Variants in SHISAL1 observed in about 807,000 individuals in gnomAD.
SHISAL1 encodes shisa like 1, also known as protein shisa-like-1.
In SHISAL1, 9 loss-of-function variants were observed where a neutral mutation model predicts 22.6. The observed-to-expected ratio is 0.40, with a 90% CI of 0.24 to 0.70. The LOEUF (loss-of-function observed/expected upper bound fraction) is 0.70, where lower values mean the gene tolerates loss of function less well. SHISAL1 is among the 30% of genes least tolerant of loss of function. SHISAL1 has a pLI of 0.39. For synonymous variants in SHISAL1, 119 were observed against 115.4 expected, an observed-to-expected ratio of 1.03 and a Z score of -0.20; for missense variants, 246 against 270.6, an observed-to-expected ratio of 0.91 and a Z score of 0.64.
At chr22:44,328,196 C>G in the SHISAL1 span, among the ~76,000 whole-genome samples, 1 of 152,180 alleles carries the variant, frequency 6.6e-6, no homozygotes, top group Non-Finnish European at 1.5e-5. Context: ...CCCCTGCCCC[C>G]TCATGGTTCC....
the SHISAL1 span, among the ~76,000 whole-genome samples, chr22:44,326,483 G>A: frequency 3.3e-5 from 5 of 152,044 alleles, no homozygotes; most frequent in Admixed American, 2.0e-4. Flanking sequence ...CAAAGATCAC[G>A]GTTTGTCTCA....
At chr22:44,284,927 C>CTTCCTTCCT (rs2055302350) in intron 4 of SHISAL1, among the ~76,000 whole-genome samples, 1 of 152,060 alleles carries the variant, frequency 6.6e-6, no homozygotes, top group African/African-American at 2.4e-5. Context: ...TCCTTCCTTC[C>CTTCCTTCCT]TTCCTTCCTT....
chr22:44,285,588 G>A lies in SHISAL1; in HGVS notation c.439C>T (p.Arg147Trp), dbSNP rs777404839. ...IQGRWMKQDPRRWGNPARAPR... is the reference protein window; with the variant it reads ...IQGRWMKQDPWRWGNPARAPR... ...GCCCGAGCGGGGTTCCCCCACCGCC[G>A]GGGGTCCTGTTTCATCCATCGTCCT... is the stretch of plus-strand genomic sequence containing the variant. The change falls in exon 4 of 5, where the codon CGG (arginine) becomes TGG (tryptophan). Residue 147 changes from arginine to tryptophan, a missense_variant. Physicochemically the swap from Arg to Trp is moderately radical, Grantham distance 101. This residue lies in a region of SHISAL1 where 136 missense variants were observed against 117.5 expected (regional missense o/e 1.16). Coordinates refer to ENST00000381176, the MANE Select transcript of SHISAL1 (RefSeq NM_001099294.2). 48 of 1,613,808 alleles carry A rather than the reference G, an allele frequency of 3.0e-5. No homozygotes were observed. Among genetic ancestry groups the A allele is most frequent in the Middle Eastern group, 1.6e-4 (1 of 6,084 alleles).
chr22:44,257,819 A>G (rs2055094813), intron 4 of SHISAL1, among the ~76,000 whole-genome samples: 1 of 152,198 alleles, frequency 6.6e-6, no homozygotes, highest in Non-Finnish European at 1.5e-5. Flanking sequence ...TTCCTAGGGA[A>G]CTGCATTAGC....
Position 44,278,960 on chromosome 22 carries a change from A to G in SHISAL1, c.599+6468T>C, listed in dbSNP as rs139278580. ...TGTACCCTCGGGACCTCTCATCACCATCATTGTCCAGGGCAGGCTCTCATC... is the reference window on the plus strand; with the variant it reads ...TGTACCCTCGGGACCTCTCATCACCGTCATTGTCCAGGGCAGGCTCTCATC... On this transcript the variant is annotated intron_variant, in intron 4 of 4. Coordinates refer to ENST00000381176, the MANE Select transcript of SHISAL1 (RefSeq NM_001099294.2). Among the ~76,000 whole-genome samples the G allele has an allele frequency of 5.7e-3, 863 of 152,150 alleles. 12 individuals carry two copies. The highest frequency in any genetic ancestry group is 0.019 in the African/African-American group (807 of 41,476).
intron 3 of SHISAL1, among the ~76,000 whole-genome samples, chr22:44,288,990 T>C (rs1336869438): frequency 6.6e-6 from 1 of 152,260 alleles, no homozygotes; most frequent in African/African-American, 2.4e-5. Context: ...CTGTAAATAC[T>C]GACACCAACA....
At chr22:44,293,369 C>A (rs1318253651) in intron 3 of SHISAL1, among the ~76,000 whole-genome samples, 1 of 152,172 alleles carries the variant, frequency 6.6e-6, no homozygotes, top group Non-Finnish European at 1.5e-5. Flanking sequence ...GATTCTGTGC[C>A]CCCGCATTTG....
intron 3 of SHISAL1, among the ~76,000 whole-genome samples, chr22:44,294,211 T>C (rs1420400552): frequency 1.3e-5 from 2 of 152,238 alleles, no homozygotes; most frequent in African/African-American, 2.4e-5. Flanking sequence ...CAGGGCTTGC[T>C]GAGTGACTTC....
At chr22:44,315,144 G>C (rs1021558633), upstream of SHISAL1, among the ~76,000 whole-genome samples, 1 of 152,164 alleles carries the variant, frequency 6.6e-6, no homozygotes, top group Non-Finnish European at 1.5e-5. Flanking sequence ...AGTAAATAAA[G>C]AAGTCTTGGC....
intron 1 of SHISAL1, 118 bp from the exon 2 acceptor site, chr22:44,301,095 G>A: frequency 3.1e-6 from 2 of 642,838 alleles, no homozygotes; most frequent in Non-Finnish European, 5.5e-6. Flanking sequence ...TTTGTCGGGA[G>A]CAGGGGCCGG....
intron 4 of SHISAL1, among the ~76,000 whole-genome samples, chr22:44,272,333 G>A (rs928281139): frequency 1.3e-5 from 2 of 152,170 alleles, no homozygotes; most frequent in Admixed American, 6.5e-5. Context: ...TGAAGACATT[G>A]ATTTTTCCAA....
intron 4 of SHISAL1, among the ~76,000 whole-genome samples, chr22:44,281,364 G>A (rs1392732916): frequency 1.3e-5 from 2 of 152,280 alleles, no homozygotes; most frequent in East Asian, 1.9e-4. Context: ...CAGATAGTGA[G>A]GTCAGGTCGG....
intron 4 of SHISAL1, among the ~76,000 whole-genome samples, chr22:44,274,422 A>G (rs2055225687): frequency 6.6e-6 from 1 of 152,170 alleles, no homozygotes; most frequent in Non-Finnish European, 1.5e-5. Flanking sequence ...CCTGCCTGGC[A>G]TCTATCTGGA....
At chr22:44,289,614 T>C (rs996580301) in intron 3 of SHISAL1, among the ~76,000 whole-genome samples, 24 of 151,534 alleles carry the variant, frequency 1.6e-4, no homozygotes, top group African/African-American at 5.8e-4. Flanking sequence ...TGCCGGGGGG[T>C]GTTGCCTTTG....
intron 3 of SHISAL1, among the ~76,000 whole-genome samples, chr22:44,291,939 G>A (rs1371185109): frequency 6.6e-6 from 1 of 152,080 alleles, no homozygotes; most frequent in African/African-American, 2.4e-5. Context: ...CCACGTCAGG[G>A]CCCCTGCCCC....
At chr22:44,283,150 C>T (rs116054850) in intron 4 of SHISAL1, among the ~76,000 whole-genome samples, 2,181 of 152,250 alleles carry the variant, frequency 0.014, 52 homozygotes, top group African/African-American at 0.046. Context: ...GGACGGTGCC[C>T]GTGAATCCAG....
chr22:44,329,209 G>A, the SHISAL1 span, among the ~76,000 whole-genome samples: 1 of 152,208 alleles, frequency 6.6e-6, no homozygotes, highest in Admixed American at 6.5e-5. Context: ...ACAGGCATGG[G>A]GGCTCGGGGA....
chr22:44,257,204 G>C (rs1368112626), intron 4 of SHISAL1, among the ~76,000 whole-genome samples: 1 of 152,318 alleles, frequency 6.6e-6, no homozygotes, highest in South Asian at 2.1e-4. Flanking sequence ...GTGGTCTCAC[G>C]TAACGATTAT....
chr22:44,279,665 G>C (rs141235571), intron 4 of SHISAL1, among the ~76,000 whole-genome samples: 8 of 152,180 alleles, frequency 5.3e-5, no homozygotes, highest in African/African-American at 1.9e-4. Flanking sequence ...GGTAGGCAGA[G>C]GCCAATGGAT....
Sources: gnomAD v4.1 joint callset for allele counts (sites outside exome capture counted in the v4.1 genomes callset) on GRCh38, gnomAD v4.1.1 for gene constraint, gnomAD v4.1.1 regional missense constraint, MANE v1.5 for transcripts, NCBI Gene and HGNC (gene_info 2026-07-23, HGNC 2026-07-21) for gene names.